ZNF277: variants seen among roughly 807,000 people sequenced by gnomAD.
The protein encoded by ZNF277 is zinc finger protein 277.
A neutral mutation model predicts 60.7 loss-of-function variants in ZNF277; 55 were observed. The ratio of observed to expected loss-of-function variants is 0.91; its 90% CI spans 0.73 to 1.13. The LOEUF (loss-of-function observed/expected upper bound fraction) is 1.13, where lower values mean the gene tolerates loss of function less well. Ranked by LOEUF, ZNF277 falls within the 50% of genes most tolerant of loss-of-function variation. The probability of loss-of-function intolerance (pLI) is 0.00; values close to 1 mark genes in which losing one functional copy is unlikely to be tolerated. For synonymous variants in ZNF277, 178 were observed against 179.3 expected, an observed-to-expected ratio of 0.99 and a Z score of 0.06; for missense variants, 510 against 523.0, an observed-to-expected ratio of 0.98 and a Z score of 0.24.
intron 7 of ZNF277, among the ~76,000 whole-genome samples, chr7:112,331,960 T>C (rs975535826): frequency 6.6e-6 from 1 of 152,238 alleles, no homozygotes; most frequent in African/African-American, 2.4e-5. Flanking sequence ...AGGGATTTGC[T>C]CACTCTTATT....
At chr7:112,277,980 C>T (rs376497913) in intron 1 of ZNF277, among the ~76,000 whole-genome samples, 196 of 152,282 alleles carry the variant, frequency 1.3e-3, no homozygotes, top group African/African-American at 4.5e-3. Flanking sequence ...CTTTTGTCTC[C>T]AAAAGATTGC....
intron 2 of ZNF277, 29 bp downstream of exon 2, chr7:112,287,103 T>A: frequency 6.2e-7 from 1 of 1,610,266 alleles, no homozygotes; most frequent in Non-Finnish European, 8.5e-7. Flanking sequence ...CTTAAAAGAA[T>A]TAAATTTGAC....
chr7:112,328,454 A>G (rs1793148417), intron 6 of ZNF277: 1 of 152,168 alleles, frequency 6.6e-6, no homozygotes, highest in African/African-American at 2.4e-5. Context: ...TCAAAAACGT[A>G]TCCACTTTTC....
chr7:112,321,754 G>A (rs1792987854), intron 5 of ZNF277, among the ~76,000 whole-genome samples: 1 of 152,020 alleles, frequency 6.6e-6, no homozygotes, highest in East Asian at 1.9e-4. Flanking sequence ...TTTACAGGAT[G>A]TAGAATTCTT....
chr7:112,263,335 G>A (rs1791476062), intron 1 of ZNF277, among the ~76,000 whole-genome samples: 1 of 152,190 alleles, frequency 6.6e-6, no homozygotes, highest in Non-Finnish European at 1.5e-5. Context: ...CAATGATTCA[G>A]AAATGTGGTA....
chr7:112,214,725 T>C (rs907321319), intron 1 of ZNF277, among the ~76,000 whole-genome samples: 21 of 152,086 alleles, frequency 1.4e-4, no homozygotes, highest in African/African-American at 5.1e-4. Context: ...GAGTCAACAA[T>C]TGACAAGTGG....
chr7:112,302,243 C>T (rs1242360742), intron 4 of ZNF277, among the ~76,000 whole-genome samples: 3 of 151,890 alleles, frequency 2.0e-5, no homozygotes, highest in East Asian at 1.9e-4. Context: ...TTTAATTCTA[C>T]TTCATGTGTC....
At chr7:112,228,725 A>T (rs1456201452) in intron 1 of ZNF277, among the ~76,000 whole-genome samples, 3 of 152,092 alleles carry the variant, frequency 2.0e-5, no homozygotes, top group African/African-American at 7.2e-5. Context: ...TCCTTTGCTT[A>T]TATAGTTGAC....
chr7:112,284,619 G>T (rs1384756075), intron 1 of ZNF277, among the ~76,000 whole-genome samples: 1 of 152,060 alleles, frequency 6.6e-6, no homozygotes, highest in Non-Finnish European at 1.5e-5. Context: ...CACCAGTTTT[G>T]TTAATAGTGC....
chr7:112,229,327 A>C (rs1822262726), intron 1 of ZNF277, among the ~76,000 whole-genome samples: 1 of 152,244 alleles, frequency 6.6e-6, no homozygotes, highest in Non-Finnish European at 1.5e-5. Flanking sequence ...AGCGTAGTCT[A>C]GAGTAGCAGC....
intron 5 of ZNF277, among the ~76,000 whole-genome samples, chr7:112,325,977 A>G (rs1793083205): frequency 6.6e-6 from 1 of 151,610 alleles, no homozygotes; most frequent in Admixed American, 6.6e-5. Flanking sequence ...AAGCCTCCAA[A>G]CTCATTTACC....
intron 5 of ZNF277, among the ~76,000 whole-genome samples, chr7:112,320,016 A>C: frequency 6.6e-6 from 1 of 152,118 alleles, no homozygotes; most frequent in Non-Finnish European, 1.5e-5. Context: ...GTGAGGAGGC[A>C]TGTGATTATC....
In ZNF277 at chr7:112,209,680, G is replaced by A. The variant is rs375351862; in HGVS notation, c.91+2873G>A. 1.6e-4 allele frequency among the ~76,000 whole-genome samples: 25 copies of A among 152,128 alleles called. No individual in the cohort carries two copies. In the East Asian group the frequency reaches 4.2e-3, roughly 26 times the overall value. On this transcript the variant is annotated intron_variant, in intron 1 of 11. Coordinates refer to ENST00000361822, the MANE Select transcript of ZNF277 (RefSeq NM_021994.3). The stretch of plus-strand genomic sequence containing the variant: ...TGCTTAATAACCTATGTATCATTCT[G>A]TTACTTTTTCCAAAATCTTTTCAAA...
chr7:112,240,828 T>A (rs1790929038), intron 1 of ZNF277, among the ~76,000 whole-genome samples: 1 of 152,198 alleles, frequency 6.6e-6, no homozygotes, highest in South Asian at 2.1e-4. Context: ...TAGACCCTTG[T>A]CTCTTACCAT....
At chr7:112,267,371 T>G (rs760294526) in intron 1 of ZNF277, among the ~76,000 whole-genome samples, 2 of 152,232 alleles carry the variant, frequency 1.3e-5, no homozygotes, top group Non-Finnish European at 2.9e-5. Flanking sequence ...TATCTTTTGA[T>G]GCTGATCTCA....
At chr7:112,315,162 G>A (rs2117106667) in intron 4 of ZNF277, among the ~76,000 whole-genome samples, 1 of 152,098 alleles carries the variant, frequency 6.6e-6, no homozygotes, top group Middle Eastern at 3.4e-3. Context: ...CCTACCAGAT[G>A]AAAATAACTC....
At chr7:112,279,775 A>C (rs1791898790) in intron 1 of ZNF277, among the ~76,000 whole-genome samples, 1 of 152,226 alleles carries the variant, frequency 6.6e-6, no homozygotes, top group Non-Finnish European at 1.5e-5. Flanking sequence ...TAGAAAAAAG[A>C]AATATTTTTA....
intron 4 of ZNF277, among the ~76,000 whole-genome samples, chr7:112,302,648 C>T (rs149762778): frequency 1.3e-5 from 2 of 151,928 alleles, no homozygotes; most frequent in South Asian, 2.1e-4. Flanking sequence ...CAATCTAAAA[C>T]GATATTATTC....
chr7:112,284,901 TCAAA>T (rs756946551), intron 1 of ZNF277, among the ~76,000 whole-genome samples: 5 of 152,214 alleles, frequency 3.3e-5, no homozygotes, highest in Non-Finnish European at 7.3e-5. Context: ...ACTTGTACCT[TCAAA>T]CAGACTGTGA....
Sources: gnomAD v4.1 joint callset for allele counts (sites outside exome capture counted in the v4.1 genomes callset) on GRCh38, gnomAD v4.1.1 for gene constraint, MANE v1.5 for transcripts, NCBI Gene and HGNC (gene_info 2026-07-23, HGNC 2026-07-21) for gene names.